Variants in EPHA6 observed in about 807,000 individuals in gnomAD.
EPHA6 encodes the protein ephrin type-A receptor 6.
Under a neutral mutation model 112.0 loss-of-function variants are expected in EPHA6, and 50 were observed. That is an observed-to-expected ratio of 0.45 (90% CI 0.36 to 0.56). EPHA6 has a LOEUF of 0.56. EPHA6 is among the 20% of genes least tolerant of loss of function. The pLI is 0.00. For synonymous variants in EPHA6, 529 were observed against 490.7 expected, an observed-to-expected ratio of 1.08 and a Z score of -1.03; for missense variants, 1,280 against 1,417.4, an observed-to-expected ratio of 0.90 and a Z score of 1.56.
intron 2 of EPHA6, among the ~76,000 whole-genome samples, chr3:96,937,392 G>C (rs2040651868): frequency 6.6e-6 from 1 of 152,076 alleles, no homozygotes; most frequent in African/African-American, 2.4e-5. Flanking sequence ...TTTTTTGGCT[G>C]CATAAATGTC....
intron 5 of EPHA6, among the ~76,000 whole-genome samples, chr3:97,361,899 A>G (rs1288723481): frequency 1.3e-5 from 2 of 152,200 alleles, no homozygotes; most frequent in African/African-American, 4.8e-5. Context: ...CAGATTTTTA[A>G]GTCATTACAC....
intron 5 of EPHA6, among the ~76,000 whole-genome samples, chr3:97,376,445 CA>C (rs925894899): frequency 6.6e-6 from 1 of 151,594 alleles, no homozygotes; most frequent in Non-Finnish European, 1.5e-5. Flanking sequence ...CATACGAAAA[CA>C]AAAAAAACAA....
At position 97,641,458 on chromosome 3, in the gene EPHA6, T is replaced by C. The variant is rs376903143; in HGVS notation, c.2784+3376T>C. The stretch of plus-strand genomic sequence containing the variant: ...AGGAGCCAAGATGGCTGAATAGGAA[T>C]AGCTCCGGTCTACAGCTCCCAGCGT... On this transcript the variant is annotated intron_variant, in intron 14 of 17. Coordinates refer to ENST00000389672, the MANE Select transcript of EPHA6 (RefSeq NM_001080448.3). Among the ~76,000 whole-genome samples the C allele has an allele frequency of 1.5e-3, 225 of 152,270 alleles. 1 individual carries two copies. Among genetic ancestry groups the C allele is most frequent in the Middle Eastern group, 6.8e-3 (2 of 294 alleles).
chr3:97,548,945 A>G (rs1163469371), intron 11 of EPHA6, among the ~76,000 whole-genome samples: 2 of 152,240 alleles, frequency 1.3e-5, no homozygotes, highest in African/African-American at 4.8e-5. Context: ...CCTATCACCC[A>G]GTGACATCCT....
At chr3:96,988,189 T>C (rs1559648884) in intron 3 of EPHA6, among the ~76,000 whole-genome samples, 196 bp downstream of exon 3, 2 of 152,180 alleles carry the variant, frequency 1.3e-5, no homozygotes, top group Non-Finnish European at 2.9e-5. Flanking sequence ...AAAATGACGA[T>C]TTATTAAAAG....
chr3:96,982,441 C>T (rs564966370), intron 2 of EPHA6, among the ~76,000 whole-genome samples: 1 of 152,082 alleles, frequency 6.6e-6, no homozygotes, highest in African/African-American at 2.4e-5. Flanking sequence ...AATTTCTGTT[C>T]TTTTACATTT....
At chr3:97,219,357 T>A (rs2078125560) in intron 3 of EPHA6, among the ~76,000 whole-genome samples, 1 of 152,204 alleles carries the variant, frequency 6.6e-6, no homozygotes, top group Admixed American at 6.5e-5. Flanking sequence ...ATCAGACTTC[T>A]GCCATATAAT....
intron 3 of EPHA6, among the ~76,000 whole-genome samples, chr3:97,002,562 C>G (rs2043706342): frequency 6.6e-6 from 1 of 151,364 alleles, no homozygotes; most frequent in Non-Finnish European, 1.5e-5. Context: ...GGATTGTTAC[C>G]TTAATGTTGA....
intron 3 of EPHA6, among the ~76,000 whole-genome samples, chr3:97,218,171 T>C (rs1278764448): frequency 6.6e-6 from 1 of 151,882 alleles, no homozygotes. Flanking sequence ...CTTGGAAGGC[T>C]GATGTGGGAG....
intron 3 of EPHA6, among the ~76,000 whole-genome samples, chr3:97,225,411 C>G (rs1327491829): frequency 6.6e-6 from 1 of 152,082 alleles, no homozygotes; most frequent in Non-Finnish European, 1.5e-5. Flanking sequence ...GTCATAAGAT[C>G]ACATTTAGTA....
intron 3 of EPHA6, among the ~76,000 whole-genome samples, chr3:97,208,142 A>G (rs1377988650): frequency 3.9e-5 from 6 of 152,144 alleles, no homozygotes; most frequent in African/African-American, 1.4e-4. Flanking sequence ...TTCACCCTTG[A>G]ATGTGCCCTT....
At chr3:97,133,803 TC>T (rs2075698876) in intron 3 of EPHA6, among the ~76,000 whole-genome samples, 1 of 151,966 alleles carries the variant, frequency 6.6e-6, no homozygotes, top group African/African-American at 2.4e-5. Flanking sequence ...ACCTAGGAGA[TC>T]AAAGAAGTCA....
At chr3:97,264,271 T>G (rs969308358) in intron 5 of EPHA6, among the ~76,000 whole-genome samples, 31 of 152,170 alleles carry the variant, frequency 2.0e-4, no homozygotes, top group Non-Finnish European at 4.1e-4. Context: ...CAAGGGAGAA[T>G]GCAAATCAAG....
At position 97,208,209 on chromosome 3, in the gene EPHA6, C is replaced by G. The variant is rs570078413; in HGVS notation, c.1115-18055C>G. 2.6e-5 allele frequency among the ~76,000 whole-genome samples: 4 copies of G among 152,232 alleles called. No individual in the cohort carries two copies. The East Asian group carries it at 7.7e-4, about 29-fold the overall frequency. On this transcript the variant is annotated intron_variant, in intron 3 of 17. Coordinates refer to ENST00000389672, the MANE Select transcript of EPHA6 (RefSeq NM_001080448.3). ...ATGCTGAATCGATATAGGTATTCTA[C>G]TTGTACTGGATAGAAGATGCTATTC... is the stretch of plus-strand genomic sequence containing the variant.
At chr3:97,729,377 TG>T (rs1446240270) in intron 15 of EPHA6, among the ~76,000 whole-genome samples, 3 of 152,066 alleles carry the variant, frequency 2.0e-5, no homozygotes, top group Non-Finnish European at 4.4e-5. Flanking sequence ...TCCTCATGGC[TG>T]GGGAGGCCTC....
At chr3:97,008,653 A>T (rs2043971549) in intron 3 of EPHA6, among the ~76,000 whole-genome samples, 1 of 152,058 alleles carries the variant, frequency 6.6e-6, no homozygotes, top group African/African-American at 2.4e-5. Context: ...TGTGCCCTTG[A>T]TGGAGAGATG....
At chr3:96,900,493 A>G (rs936436123) in intron 2 of EPHA6, among the ~76,000 whole-genome samples, 1 of 152,226 alleles carries the variant, frequency 6.6e-6, no homozygotes, top group Non-Finnish European at 1.5e-5. Flanking sequence ...GTGGTACTGA[A>G]AATCATCAGA....
chr3:97,274,822 G>T (rs2080013532), intron 5 of EPHA6, among the ~76,000 whole-genome samples: 1 of 152,176 alleles, frequency 6.6e-6, no homozygotes, highest in East Asian at 1.9e-4. Flanking sequence ...AGTCATGAGG[G>T]TCAGGTGTGG....
chr3:97,423,564 T>C (rs541618159), intron 6 of EPHA6, among the ~76,000 whole-genome samples: 3 of 152,266 alleles, frequency 2.0e-5, no homozygotes, highest in East Asian at 3.9e-4. Flanking sequence ...ATTATTAAAA[T>C]TGCCATACTA....
Sources: gnomAD v4.1 joint callset for allele counts (sites outside exome capture counted in the v4.1 genomes callset) on GRCh38, gnomAD v4.1.1 for gene constraint, MANE v1.5 for transcripts, NCBI Gene and HGNC (gene_info 2026-07-23, HGNC 2026-07-21) for gene names.